DPP10: variants seen among roughly 807,000 people sequenced by gnomAD.
The protein encoded by DPP10 is dipeptidyl peptidase like 10, also known as inactive dipeptidyl peptidase 10.
In DPP10, 33 loss-of-function variants were observed where a neutral mutation model predicts 120.9. That is an observed-to-expected ratio of 0.27 (90% confidence interval 0.21 to 0.37). DPP10 has a LOEUF of 0.37. Ranked by LOEUF, DPP10 falls within the 10% of genes least tolerant of loss-of-function variation. The pLI is 1.00. For synonymous variants in DPP10, 337 were observed against 326.1 expected, an observed-to-expected ratio of 1.03 and a Z score of -0.36; for missense variants, 816 against 942.8, an observed-to-expected ratio of 0.87 and a Z score of 1.76.
intron 2 of DPP10, among the ~76,000 whole-genome samples, chr2:115,318,420 C>A (rs1249053054): frequency 6.6e-6 from 1 of 151,984 alleles, no homozygotes; most frequent in African/African-American, 2.4e-5. Flanking sequence ...ATCACAGTTC[C>A]ATATAAATTT....
At chr2:115,840,318 G>GTTTTTTTTTTTTTTTTTTTTTT (rs1559227733) in intron 24 of DPP10, among the ~76,000 whole-genome samples, 1 of 31,886 alleles carries the variant, frequency 3.1e-5, no homozygotes, top group African/African-American at 9.8e-5. Flanking sequence ...AAGGTTTTTT[G>GTTTTTTTTTTTTTTTTTTTTTT]GTTTTTTTTT....
At chr2:114,462,026 C>T (rs529522578) in intron 1 of DPP10, 3 of 985,262 alleles carry the variant, frequency 3.0e-6, no homozygotes, top group African/African-American at 1.7e-5. Flanking sequence ...TCAAATTCAT[C>T]GCAGTTGAGA....
chr2:115,653,085 A>G (rs1006134573), intron 5 of DPP10, among the ~76,000 whole-genome samples: 3 of 152,050 alleles, frequency 2.0e-5, no homozygotes, highest in Non-Finnish European at 4.4e-5. Flanking sequence ...CACACAGAAA[A>G]CATTCATTCA....
intron 4 of DPP10, among the ~76,000 whole-genome samples, chr2:115,519,670 C>T (rs1558789902): frequency 6.6e-6 from 1 of 152,168 alleles, no homozygotes; most frequent in African/African-American, 2.4e-5. Flanking sequence ...GTTCTTAAAT[C>T]CAGACAGTGA....
At chr2:114,513,346 C>A (rs1419290013) in intron 1 of DPP10, among the ~76,000 whole-genome samples, 2 of 151,710 alleles carry the variant, frequency 1.3e-5, no homozygotes, top group South Asian at 2.1e-4. Flanking sequence ...CATGGTGAAA[C>A]CCTGTCTCTA....
At chr2:115,022,792 T>C (rs1250628564) in intron 1 of DPP10, among the ~76,000 whole-genome samples, 1 of 151,944 alleles carries the variant, frequency 6.6e-6, no homozygotes, top group Non-Finnish European at 1.5e-5. Context: ...GGTACTTGTA[T>C]GAAAAAGGGA....
chr2:115,807,135 A>T (rs985975848), intron 19 of DPP10, among the ~76,000 whole-genome samples: 1 of 152,212 alleles, frequency 6.6e-6, no homozygotes, highest in African/African-American at 2.4e-5. Flanking sequence ...TTACCTTTCT[A>T]CTTACTCACT....
At chr2:114,795,620 A>G (rs1314363199) in intron 1 of DPP10, among the ~76,000 whole-genome samples, 1 of 152,158 alleles carries the variant, frequency 6.6e-6, no homozygotes, top group Non-Finnish European at 1.5e-5. Flanking sequence ...GTTTTGAACT[A>G]TGTGGGCCCA....
chr2:114,657,093 G>A (rs190140283), intron 1 of DPP10, among the ~76,000 whole-genome samples: 13 of 152,136 alleles, frequency 8.5e-5, no homozygotes, highest in East Asian at 1.9e-4. Context: ...GCTGTGCTCC[G>A]AATCTGGAAG....
chr2:114,458,371 C>T (rs1283176814), intron 1 of DPP10, among the ~76,000 whole-genome samples: 1 of 152,146 alleles, frequency 6.6e-6, no homozygotes, highest in East Asian at 1.9e-4. Context: ...ACTCATCTCT[C>T]CCCTATTTGC....
At chr2:115,089,047 A>T (rs1292335981) in intron 1 of DPP10, among the ~76,000 whole-genome samples, 2 of 151,974 alleles carry the variant, frequency 1.3e-5, no homozygotes. Flanking sequence ...AGCTTGCCTC[A>T]TATCTTCTGT....
chr2:114,577,333 G>C (rs567381473), intron 1 of DPP10, among the ~76,000 whole-genome samples: 1 of 152,290 alleles, frequency 6.6e-6, no homozygotes, highest in South Asian at 2.1e-4. Flanking sequence ...TTGTTTGTTT[G>C]TTTGTTTGCG....
At chr2:114,645,175 A>T (rs929178142) in intron 1 of DPP10, among the ~76,000 whole-genome samples, 15 of 152,202 alleles carry the variant, frequency 9.9e-5, no homozygotes, top group African/African-American at 3.6e-4. Flanking sequence ...TACAGGATTC[A>T]TTCCTTCCAG....
chr2:115,585,290 T>C (rs1246194842), intron 5 of DPP10, among the ~76,000 whole-genome samples: 1 of 152,188 alleles, frequency 6.6e-6, no homozygotes, highest in African/African-American at 2.4e-5. Context: ...CAAATTACAA[T>C]GATTAACTCA....
intron 5 of DPP10, among the ~76,000 whole-genome samples, chr2:115,623,001 C>T (rs2085084175): frequency 6.6e-6 from 1 of 152,010 alleles, no homozygotes; most frequent in South Asian, 2.1e-4. Context: ...CGCCCCCACG[C>T]CTGACTAACT....
In DPP10 at chr2:114,703,092, C is replaced by T. The variant is rs574969108; in HGVS notation, c.60+260254C>T. The stretch of plus-strand genomic sequence containing the variant: ...GTCACCAAGAAAGTCATTGCATTGC[C>T]GGTGAGATTCAAATAATTAAAGTAT... On this transcript the variant is annotated intron_variant, in intron 1 of 25. Coordinates refer to ENST00000410059, the MANE Select transcript of DPP10 (RefSeq NM_020868.6). Among the ~76,000 whole-genome samples the T allele has an allele frequency of 3.0e-4, 45 of 151,944 alleles. 2 individuals carry two copies. The South Asian group carries it at 7.5e-3, about 25-fold the overall frequency.
intron 19 of DPP10, among the ~76,000 whole-genome samples, chr2:115,813,425 G>C (rs115010672): frequency 0.018 from 2,772 of 152,166 alleles, 86 homozygotes; most frequent in African/African-American, 0.061. Flanking sequence ...TTTTGTGTGT[G>C]CAAATTTCCT....
At chr2:115,277,632 T>C (rs1376804031) in intron 1 of DPP10, among the ~76,000 whole-genome samples, 1 of 152,010 alleles carries the variant, frequency 6.6e-6, no homozygotes, top group African/African-American at 2.4e-5. Flanking sequence ...GACATTCTAG[T>C]TATACATCTA....
rs554655958 is a variant in DPP10, at chr2:115,381,365, C to T, written c.271+37453C>T. Among the ~76,000 whole-genome samples, 47 of 152,300 alleles carry T rather than the reference C, an allele frequency of 3.1e-4. 1 individual carries two copies. The South Asian group carries it at 6.7e-3, about 22-fold the overall frequency. On this transcript the variant is annotated intron_variant, in intron 3 of 25. Transcript: ENST00000410059. ...CGCGTCGGCTCCTGAGGCTTCTGCACTCTTCACGTAGTTCTCCAGCCTTGG... is the reference window on the plus strand; with the variant it reads ...CGCGTCGGCTCCTGAGGCTTCTGCATTCTTCACGTAGTTCTCCAGCCTTGG...
Sources: allele counts gnomAD v4.1 joint callset (sites outside exome capture counted in the v4.1 genomes callset), GRCh38; gene constraint gnomAD v4.1.1; transcripts MANE v1.5; gene names NCBI Gene and HGNC (gene_info 2026-07-23, HGNC 2026-07-21).